Variants in CAMKMT observed in about 807,000 individuals in gnomAD.
CAMKMT encodes the protein calmodulin-lysine N-methyltransferase.
A neutral mutation model predicts 48.0 loss-of-function variants in CAMKMT; 53 were observed. That is an observed-to-expected ratio of 1.10 (90% confidence interval 0.89 to 1.39). CAMKMT has a LOEUF of 1.39. Ranked by LOEUF, CAMKMT falls within the 40% of genes most tolerant of loss-of-function variation. The pLI, the probability that CAMKMT is intolerant of heterozygous loss-of-function variation, is 0.00. For missense variants in CAMKMT, 428 were observed against 402.7 expected (o/e 1.06, Z -0.54); for synonymous variants, 165 against 152.3 (o/e 1.08, Z -0.61).
intron 3 of CAMKMT, among the ~76,000 whole-genome samples, chr2:44,555,381 A>G (rs1667952490): frequency 6.6e-6 from 1 of 152,192 alleles, no homozygotes; most frequent in African/African-American, 2.4e-5. Context: ...GACACATCTG[A>G]CGGTTTCTGG....
intron 3 of CAMKMT, among the ~76,000 whole-genome samples, chr2:44,401,563 A>G (rs1216747231): frequency 6.6e-6 from 1 of 152,118 alleles, no homozygotes; most frequent in Non-Finnish European, 1.5e-5. Context: ...AAAAAAAAAA[A>G]TAAAATAAAA....
At chr2:44,396,851 G>A (rs1681894977) in intron 3 of CAMKMT, among the ~76,000 whole-genome samples, 2 of 151,912 alleles carry the variant, frequency 1.3e-5, no homozygotes, top group South Asian at 4.1e-4. Context: ...ACAAGGTCAG[G>A]AGATCGAGAC....
chr2:44,696,401 A>T (rs1291972862), intron 3 of CAMKMT, among the ~76,000 whole-genome samples: 1 of 152,210 alleles, frequency 6.6e-6, no homozygotes, highest in Non-Finnish European at 1.5e-5. Context: ...ATTGAGGGGC[A>T]GTTGTACTTC....
At chr2:44,442,673 T>C (rs1666743234) in intron 3 of CAMKMT, among the ~76,000 whole-genome samples, 1 of 152,208 alleles carries the variant, frequency 6.6e-6, no homozygotes, top group Admixed American at 6.6e-5. Flanking sequence ...AATGCTACCT[T>C]CTTGTTAAAG....
At chr2:44,390,370 G>A in intron 3 of CAMKMT, 65 bp downstream of exon 3, 3 of 1,168,540 alleles carry the variant, frequency 2.6e-6, no homozygotes, top group African/African-American at 3.1e-5. Flanking sequence ...TATAGTTGAT[G>A]TTTTCTTCTC....
chr2:44,513,003 C>T (rs1005013904), intron 3 of CAMKMT, among the ~76,000 whole-genome samples: 2 of 152,098 alleles, frequency 1.3e-5, no homozygotes, highest in African/African-American at 2.4e-5. Context: ...CACAAGCAGT[C>T]CTGCATTTTC....
chr2:44,735,164 C>G (rs1335613275), intron 7 of CAMKMT, among the ~76,000 whole-genome samples: 2 of 152,224 alleles, frequency 1.3e-5, no homozygotes, highest in African/African-American at 4.8e-5. Context: ...AATATAGACA[C>G]TCCAGCTTTC....
At chr2:44,620,668 C>G (rs888111444) in intron 3 of CAMKMT, among the ~76,000 whole-genome samples, 6 of 152,210 alleles carry the variant, frequency 3.9e-5, no homozygotes, top group Non-Finnish European at 1.5e-5. Flanking sequence ...TGAGAAAGGA[C>G]AATAGTTGTG....
chr2:44,539,070 G>A (rs546093932), intron 3 of CAMKMT, among the ~76,000 whole-genome samples: 11 of 151,594 alleles, frequency 7.3e-5, no homozygotes, highest in African/African-American at 2.4e-4. Context: ...TTGGGAGGCC[G>A]AGGTGGGTGG....
At chr2:44,636,146 C>T (rs1474998023) in intron 3 of CAMKMT, among the ~76,000 whole-genome samples, 1 of 152,012 alleles carries the variant, frequency 6.6e-6, no homozygotes, top group Non-Finnish European at 1.5e-5. Context: ...CATATTATAC[C>T]TGGAAGTGGA....
intron 3 of CAMKMT, among the ~76,000 whole-genome samples, chr2:44,624,433 C>T (rs886595116): frequency 9.9e-5 from 15 of 152,064 alleles, no homozygotes; most frequent in Non-Finnish European, 1.9e-4. Flanking sequence ...CCTATTAACT[C>T]GTCATTTAGC....
At chr2:44,440,004 C>G (rs1401363181) in intron 3 of CAMKMT, among the ~76,000 whole-genome samples, 1 of 152,134 alleles carries the variant, frequency 6.6e-6, no homozygotes, top group East Asian at 1.9e-4. Flanking sequence ...AGCCTCTCAT[C>G]TTTTCTGACA....
intron 3 of CAMKMT, among the ~76,000 whole-genome samples, chr2:44,604,136 A>G (rs1427520725): frequency 6.6e-6 from 1 of 152,172 alleles, no homozygotes; most frequent in Non-Finnish European, 1.5e-5. Flanking sequence ...GGTTTTGTTA[A>G]AGAGGTGGGC....
chr2:44,412,400 A>G (rs1006204463), intron 3 of CAMKMT, among the ~76,000 whole-genome samples: 49 of 152,250 alleles, frequency 3.2e-4, no homozygotes, highest in African/African-American at 1.1e-3. Flanking sequence ...CAATGGCACA[A>G]TCTTGGCTCA....
chr2:44,461,492 A>T (rs1294010044), intron 3 of CAMKMT, among the ~76,000 whole-genome samples: 2 of 152,196 alleles, frequency 1.3e-5, no homozygotes, highest in East Asian at 1.9e-4. Flanking sequence ...GTTCTTAATC[A>T]CTGTTACTCT....
chr2:44,680,285 C>T (rs1167514690), intron 3 of CAMKMT, among the ~76,000 whole-genome samples: 1 of 152,196 alleles, frequency 6.6e-6, no homozygotes, highest in Non-Finnish European at 1.5e-5. Flanking sequence ...CTAGCCATGG[C>T]AGCCATGGCT....
intron 3 of CAMKMT, among the ~76,000 whole-genome samples, chr2:44,557,008 C>T (rs930249960): frequency 2.0e-5 from 3 of 152,188 alleles, no homozygotes; most frequent in African/African-American, 7.2e-5. Flanking sequence ...TGGAATGCAA[C>T]AGCATGCAAA....
chr2:44,561,030 A>C (rs966784182), intron 3 of CAMKMT, among the ~76,000 whole-genome samples: 3 of 152,072 alleles, frequency 2.0e-5, no homozygotes, highest in African/African-American at 7.2e-5. Flanking sequence ...CCTTCCTGTC[A>C]CCCTTTATTA....
chr2:44,556,847 G>A (rs1456067061), intron 3 of CAMKMT, among the ~76,000 whole-genome samples: 1 of 151,780 alleles, frequency 6.6e-6, no homozygotes, highest in Non-Finnish European at 1.5e-5. Context: ...GGAGGCCGAA[G>A]CAGGAGGATC....
Sources: allele counts gnomAD v4.1 joint callset (sites outside exome capture counted in the v4.1 genomes callset), GRCh38; gene constraint gnomAD v4.1.1; transcripts MANE v1.5; gene names NCBI Gene and HGNC (gene_info 2026-07-23, HGNC 2026-07-21).